Variants in CFAP221 observed in about 807,000 individuals in gnomAD.
The protein encoded by CFAP221 is cilia- and flagella-associated protein 221.
CFAP221 carries 97 observed loss-of-function variants against 113.1 expected under a neutral mutation model. That is an observed-to-expected ratio of 0.86 (90% CI 0.73 to 1.02). The LOEUF is 1.02. Among genes scored for constraint, CFAP221 ranks in the 50% least tolerant of loss-of-function variants. The probability of loss-of-function intolerance (pLI) is 0.00; values close to 1 mark genes in which losing one functional copy is unlikely to be tolerated. For synonymous variants in CFAP221, 331 were observed against 354.4 expected (o/e 0.93, Z 0.74); for missense variants, 1,025 against 1,013.4 (o/e 1.01, Z -0.16).
At position 119,549,117 on chromosome 2, in the gene CFAP221, A is replaced by G; in HGVS notation, c.172A>G (p.Ile58Val). ...VYAKLVNNKV[I>V]QARPGIIHFG... Reference sequence around the variant, plus strand: ...TGCAAAACTTGTGAATAATAAGGTCATACAGGCAAGACCTGGCATAATACA... The same window carrying G: ...TGCAAAACTTGTGAATAATAAGGTCGTACAGGCAAGACCTGGCATAATACA... Residue 58 changes from isoleucine to valine, a missense_variant, in exon 3 of 24, where the codon ATA (isoleucine) becomes GTA (valine). Coordinates refer to ENST00000413369, the MANE Select transcript of CFAP221 (RefSeq NM_001271049.2). 1.3e-6 allele frequency: 2 copies of G among 1,534,698 alleles called. No homozygotes were observed. The highest frequency in any genetic ancestry group is 3.9e-5 in the Admixed American group (2 of 50,680).
At chr2:119,590,495 C>T (rs933244533) in intron 7 of CFAP221, among the ~76,000 whole-genome samples, 10 of 152,330 alleles carry the variant, frequency 6.6e-5, no homozygotes, top group African/African-American at 2.2e-4. Context: ...AAGGCACTTT[C>T]ATGCAGCACC....
At chr2:119,570,115 G>A (rs971274990) in intron 6 of CFAP221, among the ~76,000 whole-genome samples, 2 of 152,202 alleles carry the variant, frequency 1.3e-5, no homozygotes, top group African/African-American at 4.8e-5. Context: ...CTTTTATAAT[G>A]TGTTGGTAAA....
chr2:119,616,052 A>G (rs1685505094), intron 14 of CFAP221, among the ~76,000 whole-genome samples: 1 of 152,222 alleles, frequency 6.6e-6, no homozygotes, highest in African/African-American at 2.4e-5. Context: ...ATCATACAAT[A>G]TGCAGCCTTT....
At chr2:119,575,056 G>A (rs952180232) in intron 6 of CFAP221, among the ~76,000 whole-genome samples, 6 of 152,172 alleles carry the variant, frequency 3.9e-5, no homozygotes, top group African/African-American at 1.4e-4. Flanking sequence ...CAGGCCAAAC[G>A]TTATTATGGG....
intron 6 of CFAP221, among the ~76,000 whole-genome samples, chr2:119,567,899 T>C (rs1398565983): frequency 6.6e-6 from 1 of 152,254 alleles, no homozygotes; most frequent in African/African-American, 2.4e-5. Context: ...CCATGTATTT[T>C]ATGTGATTCC....
intron 19 of CFAP221, among the ~76,000 whole-genome samples, chr2:119,633,273 C>T (rs796948954): frequency 2.4e-4 from 36 of 151,550 alleles, no homozygotes; most frequent in African/African-American, 8.5e-4. Flanking sequence ...CTAGAAAACA[C>T]ATAGAAAATC....
At chr2:119,547,714 GT>G (rs1308155768) in intron 2 of CFAP221, among the ~76,000 whole-genome samples, 1 of 152,174 alleles carries the variant, frequency 6.6e-6, no homozygotes, top group Non-Finnish European at 1.5e-5. Context: ...TAGCTGTTCA[GT>G]TTGGCCCAAG....
Position 119,562,123 on chromosome 2 carries a change from C to T in CFAP221, c.527+9C>T. On this transcript the variant is annotated intron_variant, in intron 6 of 23. Coordinates refer to ENST00000413369, the MANE Select transcript of CFAP221 (RefSeq NM_001271049.2). The stretch of plus-strand genomic sequence containing the variant: ...GTTCTACTTGGTGAAAGGTGAGTTA[C>T]CAAAATGTCAACAAAATGTATAGGA... 1 of 1,505,404 alleles carries T rather than the reference C, an allele frequency of 6.6e-7. No individual in the cohort carries two copies. The highest frequency in any genetic ancestry group is 8.9e-7 in the Non-Finnish European group (1 of 1,121,346). 93.3% of individuals were successfully genotyped at this position (1,505,404 alleles called of 1,614,324 possible).
chr2:119,627,034 G>T (rs1686358688), intron 15 of CFAP221, among the ~76,000 whole-genome samples: 1 of 151,196 alleles, frequency 6.6e-6, no homozygotes, highest in South Asian at 2.1e-4. Flanking sequence ...ACACCATATC[G>T]CCATCTTCTC....
At chr2:119,612,065 C>G (rs1476517824) in intron 13 of CFAP221, among the ~76,000 whole-genome samples, 1 of 152,200 alleles carries the variant, frequency 6.6e-6, no homozygotes, top group Non-Finnish European at 1.5e-5. Flanking sequence ...CCCTTGGCCT[C>G]TATTCATTAT....
chr2:119,636,477 T>C (rs1281215257), intron 19 of CFAP221, among the ~76,000 whole-genome samples: 3 of 152,206 alleles, frequency 2.0e-5, no homozygotes, highest in Non-Finnish European at 4.4e-5. Flanking sequence ...AAAAGCAGAA[T>C]AATGTAATCT....
At chr2:119,564,288 T>G (rs1490295462) in intron 6 of CFAP221, among the ~76,000 whole-genome samples, 1 of 152,192 alleles carries the variant, frequency 6.6e-6, no homozygotes, top group Admixed American at 6.5e-5. Context: ...GGTTCAGCTG[T>G]TGCGTTGCCC....
In CFAP221 at chr2:119,629,868, A is replaced by T. The variant is rs752060834; in HGVS notation, c.1651-7A>T. The T allele has an allele frequency of 6.2e-7, 1 of 1,606,918 alleles. No individual in the cohort carries two copies. Among genetic ancestry groups the T allele is most frequent in the East Asian group, 2.2e-5 (1 of 44,836 alleles). ...TTGTTCTCTTTTTTTCTCCTTTCAC[A>T]TTTTAGGCTCCTGATGGCCTTGGAC... On this transcript the variant is annotated splice_region_variant and splice_polypyrimidine_tract_variant and intron_variant, in intron 16 of 23. Coordinates refer to ENST00000413369, the MANE Select transcript of CFAP221 (RefSeq NM_001271049.2).
intron 14 of CFAP221, among the ~76,000 whole-genome samples, chr2:119,619,696 C>T (rs760910999): frequency 6.6e-6 from 1 of 152,154 alleles, no homozygotes; most frequent in Non-Finnish European, 1.5e-5. Flanking sequence ...CAAAGGATCA[C>T]AATTCCTCGA....
chr2:119,592,418 T>C (rs1415194965), intron 7 of CFAP221, among the ~76,000 whole-genome samples: 1 of 152,194 alleles, frequency 6.6e-6, no homozygotes, highest in African/African-American at 2.4e-5. Context: ...CCATGGAAAA[T>C]GGGAAACAGC....
downstream of CFAP221, among the ~76,000 whole-genome samples, chr2:119,657,619 A>G (rs966914704): frequency 6.6e-6 from 1 of 152,222 alleles, no homozygotes; most frequent in Admixed American, 6.5e-5. Context: ...CGTGACAATG[A>G]TCAGAAACAG....
intron 6 of CFAP221, among the ~76,000 whole-genome samples, chr2:119,580,007 G>A (rs1043716074): frequency 1.3e-5 from 2 of 152,084 alleles, no homozygotes; most frequent in Admixed American, 6.5e-5. Flanking sequence ...TTCACATCGC[G>A]CATTACCCAA....
chr2:119,571,455 T>A (rs1682050380), intron 6 of CFAP221, among the ~76,000 whole-genome samples: 1 of 149,708 alleles, frequency 6.7e-6, no homozygotes, highest in South Asian at 2.1e-4. Flanking sequence ...CCACTTTTTT[T>A]TTCAAGCTTT....
chr2:119,587,119 C>T lies in CFAP221; in HGVS notation c.528C>T (p.Ser176=), dbSNP rs751964637. 2.0e-6 allele frequency: 3 copies of T among 1,496,558 alleles called. No homozygotes were observed. The highest frequency in any genetic ancestry group is 1.3e-5 in the South Asian group (1 of 75,532). The allele number at this position is 1,496,558 out of a possible 1,614,324, so 92.7% of individuals were successfully genotyped here. Residue 176 remains serine (S), a splice_region_variant and synonymous_variant, in exon 7 of 24, where the codon AGC becomes AGT. Coordinates refer to ENST00000413369, the MANE Select transcript of CFAP221 (RefSeq NM_001271049.2). ...ATTTTCTTTTTTGTTTGTTTTGCAG[C>T]AAAACTTATGTTATTCCTTTGCAGT... The part of the protein sequence containing the change: ...INLSNVLLGE[S]KTYVIPLQCS...
Sources: gnomAD v4.1 joint callset for allele counts (sites outside exome capture counted in the v4.1 genomes callset) on GRCh38, gnomAD v4.1.1 for gene constraint, MANE v1.5 for transcripts, NCBI Gene and HGNC (gene_info 2026-07-23, HGNC 2026-07-21) for gene names.